HECA: variants seen among roughly 807,000 people sequenced by gnomAD.
HECA encodes HECA ribonucleoprotein granule regulator.
In HECA, 13 loss-of-function variants were observed where a neutral mutation model predicts 37.6. The ratio of observed to expected loss-of-function variants is 0.35; its 90% CI spans 0.23 to 0.55. HECA has a LOEUF of 0.55. Ranked by LOEUF, HECA falls within the 20% of genes least tolerant of loss-of-function variation. The pLI, the probability that HECA is intolerant of heterozygous loss-of-function variation, is 0.90. For synonymous variants in HECA, 307 were observed against 291.5 expected, an observed-to-expected ratio of 1.05 and a Z score of -0.54; for missense variants, 527 against 701.9, an observed-to-expected ratio of 0.75 and a Z score of 2.82.
chr6:139,172,505 A>C (rs1412125599), intron 2 of HECA, among the ~76,000 whole-genome samples: 1 of 152,224 alleles, frequency 6.6e-6, no homozygotes, highest in Non-Finnish European at 1.5e-5. Flanking sequence ...TTAATTTATT[A>C]AGATTGATCT....
chr6:139,165,367 T>C (rs2114470884), intron 1 of HECA, among the ~76,000 whole-genome samples: 1 of 152,338 alleles, frequency 6.6e-6, no homozygotes, highest in East Asian at 1.9e-4. Flanking sequence ...GAATACAGAA[T>C]GGTACATATG....
At chr6:139,138,689 G>T (rs1210971618) in intron 1 of HECA, among the ~76,000 whole-genome samples, 1 of 152,328 alleles carries the variant, frequency 6.6e-6, no homozygotes, top group East Asian at 1.9e-4. Context: ...CGGTATAGTT[G>T]TGGTTGGAGA....
intron 1 of HECA, among the ~76,000 whole-genome samples, chr6:139,149,062 T>A (rs566156745): frequency 3.3e-4 from 51 of 152,272 alleles, no homozygotes; most frequent in African/African-American, 1.2e-3. Flanking sequence ...AAATGCTGAA[T>A]CATAAGAAAG....
intron 1 of HECA, among the ~76,000 whole-genome samples, chr6:139,152,418 A>ATGTGTGTG (rs56410451): frequency 0.52 from 76,116 of 147,358 alleles, 20,647 homozygotes; most frequent in Non-Finnish European, 0.62. Flanking sequence ...GAAGCATTGG[A>ATGTGTGTG]TGTGTGTGTG....
Position 139,166,302 on chromosome 6 carries a change from C to T in HECA, c.290C>T (p.Pro97Leu). ...DAKNEAPCATPLICSFGRPVD... is the reference protein window; with the variant it reads ...DAKNEAPCATLLICSFGRPVD... Reference sequence around the variant, plus strand: ...CCCCCAGAAGCCCCATGTGCCACTCCCCTGATCTGCAGCTTCGGTAGGCCG... The same window carrying T: ...CCCCCAGAAGCCCCATGTGCCACTCTCCTGATCTGCAGCTTCGGTAGGCCG... The change falls in exon 2 of 4, where the codon CCC becomes CTC. Residue 97 changes from proline (P) to leucine (L), a missense_variant. Pro to Leu is a moderately conservative substitution (Grantham distance 98). Coordinates refer to ENST00000367658, the MANE Select transcript of HECA (RefSeq NM_016217.3). 6.2e-7 allele frequency: 1 copy of T among 1,608,406 alleles called. No individual in the cohort carries two copies. Among genetic ancestry groups the T allele is most frequent in the Non-Finnish European group, 8.5e-7 (1 of 1,176,128 alleles).
intron 2 of HECA, among the ~76,000 whole-genome samples, chr6:139,171,645 T>C (rs1562249922): frequency 6.6e-6 from 1 of 152,200 alleles, no homozygotes. Context: ...TCTTTTTTTT[T>C]GAGTATCTCA....
intron 2 of HECA, chr6:139,169,857 C>G (rs1013115662): frequency 6.6e-6 from 1 of 152,148 alleles, no homozygotes; most frequent in African/African-American, 2.4e-5. Context: ...TAAGTCTAGC[C>G]CAGGTTCAGA....
intron 2 of HECA, among the ~76,000 whole-genome samples, chr6:139,167,673 C>T (rs1294103503): frequency 6.6e-6 from 1 of 152,140 alleles, no homozygotes; most frequent in Non-Finnish European, 1.5e-5. Context: ...GCTGTGTATC[C>T]TCTTAGATCC....
chr6:139,152,418 A>ATGTGTGTGTGTGTGTGTGTGTGTGTGTG lies in HECA; in HGVS notation c.272-13839_272-13838insGTGTGTGTGTGTGTGTGTGTGTGTGTGT, dbSNP rs56410451. On this transcript the variant is annotated intron_variant, in intron 1 of 3. Coordinates refer to ENST00000367658, the MANE Select transcript of HECA (RefSeq NM_016217.3). ...GTTGTAAACTGTATTGAAGCATTGG[A>ATGTGTGTGTGTGTGTGTGTGTGTGTGTG]TGTGTGTGTGTGTGTGTGTGTGTGT... Among the ~76,000 whole-genome samples the ATGTGTGTGTGTGTGTGTGTGTGTGTGTG allele has an allele frequency of 2.0e-4, 30 of 147,532 alleles. No homozygotes were observed. The East Asian group carries it at 3.2e-3, about 16-fold the overall frequency.
chr6:139,137,066 G>A (rs1774457452), intron 1 of HECA, among the ~76,000 whole-genome samples: 1 of 152,202 alleles, frequency 6.6e-6, no homozygotes, highest in African/African-American at 2.4e-5. Flanking sequence ...GAAATAGGAA[G>A]ATTTATTTAT....
At chr6:139,136,282 AAAAAG>A (rs1313474957) in intron 1 of HECA, among the ~76,000 whole-genome samples, 10 of 151,674 alleles carry the variant, frequency 6.6e-5, no homozygotes, top group Middle Eastern at 3.4e-3. Context: ...AAAAAAAAAA[AAAAAG>A]AAAAGAAAGA....
At chr6:139,152,025 A>G (rs994306896) in intron 1 of HECA, among the ~76,000 whole-genome samples, 4 of 152,200 alleles carry the variant, frequency 2.6e-5, no homozygotes, top group Non-Finnish European at 5.9e-5. Flanking sequence ...TGATTGTCCT[A>G]TTTCTATTCT....
chr6:139,165,584 CTTT>C (rs796323871), intron 1 of HECA, among the ~76,000 whole-genome samples: 3 of 138,244 alleles, frequency 2.2e-5, no homozygotes, highest in African/African-American at 2.6e-5. Flanking sequence ...GTGGCAACCA[CTTT>C]TTTTTTTTTT....
At chr6:139,157,636 A>T (rs77088834) in intron 1 of HECA, among the ~76,000 whole-genome samples, 4,273 of 152,382 alleles carry the variant, frequency 0.028, 77 homozygotes, top group East Asian at 0.054. Flanking sequence ...CCTAAAGCAC[A>T]CATAGAAAGT....
chr6:139,140,511 C>T (rs532078099), intron 1 of HECA, among the ~76,000 whole-genome samples: 1 of 152,320 alleles, frequency 6.6e-6, no homozygotes, highest in East Asian at 1.9e-4. Flanking sequence ...TATGCGCAGT[C>T]TCGTCTTTCT....
intron 1 of HECA, among the ~76,000 whole-genome samples, chr6:139,138,429 T>G (rs1774476225): frequency 6.6e-6 from 1 of 152,234 alleles, no homozygotes; most frequent in African/African-American, 2.4e-5. Context: ...TTGTAAATAG[T>G]TTTTCACTGT....
At chr6:139,167,668 G>A (rs558212698) in intron 2 of HECA, among the ~76,000 whole-genome samples, 52 of 152,286 alleles carry the variant, frequency 3.4e-4, no homozygotes, top group African/African-American at 1.2e-3. Context: ...ATCTAGCTGT[G>A]TATCCTCTTA....
intron 1 of HECA, among the ~76,000 whole-genome samples, chr6:139,164,749 A>T (rs954786740): frequency 6.6e-6 from 1 of 151,660 alleles, no homozygotes; most frequent in Admixed American, 6.6e-5. Context: ...TCCCTGAAGC[A>T]CCCTTGTCAT....
At chr6:139,158,138 C>T (rs1332752188) in intron 1 of HECA, among the ~76,000 whole-genome samples, 3 of 152,044 alleles carry the variant, frequency 2.0e-5, no homozygotes, top group Non-Finnish European at 2.9e-5. Context: ...AGGAGGATCA[C>T]TTAAGCCCAG....
Sources: allele counts gnomAD v4.1 joint callset (sites outside exome capture counted in the v4.1 genomes callset), GRCh38; gene constraint gnomAD v4.1.1; transcripts MANE v1.5; gene names NCBI Gene and HGNC (gene_info 2026-07-23, HGNC 2026-07-21).